Variants in LSAMP observed in about 807,000 individuals in gnomAD.
The protein encoded by LSAMP is limbic system associated membrane protein.
LSAMP carries 7 observed loss-of-function variants against 38.6 expected under a neutral mutation model. The observed-to-expected ratio is 0.18, with a 90% CI of 0.10 to 0.34. The LOEUF is 0.34. Ranked by LOEUF, LSAMP falls within the 10% of genes least tolerant of loss-of-function variation. The pLI, the probability that LSAMP is intolerant of heterozygous loss-of-function variation, is 1.00. For synonymous variants in LSAMP, 154 were observed against 166.8 expected (o/e 0.92, Z 0.59); for missense variants, 313 against 420.0 (o/e 0.75, Z 2.23).
At chr3:116,315,162 C>G (rs2047611800) in intron 1 of LSAMP, among the ~76,000 whole-genome samples, 1 of 152,174 alleles carries the variant, frequency 6.6e-6, no homozygotes, top group South Asian at 2.1e-4. Context: ...ATCCCCTCCA[C>G]CTGTATTGTT....
chr3:115,938,053 T>G (rs1559888426), intron 3 of LSAMP, among the ~76,000 whole-genome samples: 1 of 152,172 alleles, frequency 6.6e-6, no homozygotes, highest in African/African-American at 2.4e-5. Flanking sequence ...ACTCTTGTAT[T>G]GAATGTGGGC....
At chr3:116,064,479 C>T (rs1941648005) in intron 2 of LSAMP, among the ~76,000 whole-genome samples, 1 of 137,300 alleles carries the variant, frequency 7.3e-6, no homozygotes, top group Admixed American at 8.1e-5. Context: ...CGCACCACTG[C>T]ATTCCAGAGC....
chr3:115,970,465 T>C (rs912747910), intron 3 of LSAMP, among the ~76,000 whole-genome samples: 1 of 152,178 alleles, frequency 6.6e-6, no homozygotes, highest in Admixed American at 6.5e-5. Flanking sequence ...TTTGGCAGGA[T>C]AATATCTTCA....
chr3:116,018,284 G>T (rs773951030), intron 3 of LSAMP, among the ~76,000 whole-genome samples: 5 of 152,100 alleles, frequency 3.3e-5, no homozygotes, highest in Non-Finnish European at 5.9e-5. Context: ...TTTTACTTGA[G>T]AAATTAATTT....
Position 115,805,375 on chromosome 3 carries a change from T to C in LSAMP, c.*4942A>G, listed in dbSNP as rs1933607388. 1 of 152,224 alleles carries C rather than the reference T, an allele frequency of 6.6e-6. No homozygotes were observed. The highest frequency in any genetic ancestry group is 1.5e-5 in the Non-Finnish European group (1 of 68,032). The allele number at this position is 152,224 out of a possible 1,614,324, so 9.4% of individuals were successfully genotyped here. A position where few individuals can be genotyped will look rare whatever the true frequency, so the allele number is the denominator to read the frequency against. ...GAACTGTGAAACGTTTCAGTTTTTATTTATTTTTATTTGATTTTTTTTTCC... is the reference window on the plus strand; with the variant it reads ...GAACTGTGAAACGTTTCAGTTTTTACTTATTTTTATTTGATTTTTTTTTCC... On this transcript the variant is annotated 3_prime_UTR_variant, in exon 7 of 7. Coordinates refer to ENST00000490035, the MANE Select transcript of LSAMP (RefSeq NM_002338.5).
chr3:115,870,214 T>C (rs1054566209), intron 3 of LSAMP, among the ~76,000 whole-genome samples: 1 of 152,088 alleles, frequency 6.6e-6, no homozygotes, highest in African/African-American at 2.4e-5. Context: ...GCTTAACATA[T>C]TTACTACCTT....
At chr3:115,886,752 G>T (rs963581352) in intron 3 of LSAMP, among the ~76,000 whole-genome samples, 2 of 151,870 alleles carry the variant, frequency 1.3e-5, no homozygotes, top group African/African-American at 4.8e-5. Flanking sequence ...TTCACTTATG[G>T]CCCAAGATGA....
intron 1 of LSAMP, among the ~76,000 whole-genome samples, chr3:116,229,121 A>G (rs1206651933): frequency 2.0e-5 from 3 of 152,142 alleles, no homozygotes; most frequent in Admixed American, 6.5e-5. Context: ...AAGAAAAGAC[A>G]ACATAACTTA....
At chr3:116,243,242 T>C (rs2046562436) in intron 1 of LSAMP, among the ~76,000 whole-genome samples, 1 of 152,176 alleles carries the variant, frequency 6.6e-6, no homozygotes, top group African/African-American at 2.4e-5. Context: ...AGAAATATTC[T>C]AACTGTTCCC....
chr3:116,084,456 A>C (rs1292227087), intron 2 of LSAMP, among the ~76,000 whole-genome samples: 5 of 51,218 alleles, frequency 9.8e-5, no homozygotes, highest in African/African-American at 5.5e-4. Context: ...AAATCATGGC[A>C]AAAAAAAAAA....
chr3:115,947,106 A>C (rs1445176044), intron 3 of LSAMP, among the ~76,000 whole-genome samples: 5 of 152,302 alleles, frequency 3.3e-5, no homozygotes, highest in Middle Eastern at 3.4e-3. Flanking sequence ...ATTCTCATTA[A>C]TGACAGAAAT....
intron 3 of LSAMP, among the ~76,000 whole-genome samples, chr3:115,901,823 A>G (rs1013346133): frequency 6.6e-6 from 1 of 152,212 alleles, no homozygotes; most frequent in Admixed American, 6.5e-5. Context: ...TTTACAAGTA[A>G]AGAACATAGA....
intron 3 of LSAMP, among the ~76,000 whole-genome samples, chr3:115,940,937 C>CT (rs1937898188): frequency 6.6e-6 from 1 of 152,068 alleles, no homozygotes; most frequent in Admixed American, 6.6e-5. Flanking sequence ...AGTTCCATTT[C>CT]TTTTTCTCTA....
intron 1 of LSAMP, among the ~76,000 whole-genome samples, chr3:116,234,360 T>C (rs547270497): frequency 1.4e-4 from 22 of 152,232 alleles, no homozygotes; most frequent in African/African-American, 4.8e-4. Flanking sequence ...TGCTGCCTGA[T>C]TGATAAGAAG....
At chr3:116,415,912 A>C (rs1338106074) in intron 1 of LSAMP, among the ~76,000 whole-genome samples, 2 of 152,132 alleles carry the variant, frequency 1.3e-5, no homozygotes, top group Non-Finnish European at 2.9e-5. Flanking sequence ...GCTAGTGAAA[A>C]TGTACTCCAT....
intron 1 of LSAMP, among the ~76,000 whole-genome samples, chr3:116,435,816 A>C (rs1023525137): frequency 2.0e-5 from 3 of 152,144 alleles, no homozygotes; most frequent in African/African-American, 7.2e-5. Flanking sequence ...CATCCATCCT[A>C]ATCAGGGTCC....
chr3:115,943,239 C>T (rs1342709745), intron 3 of LSAMP, among the ~76,000 whole-genome samples: 1 of 152,104 alleles, frequency 6.6e-6, no homozygotes, highest in East Asian at 1.9e-4. Flanking sequence ...CTGGGGAGGT[C>T]TTCTGGGCTG....
At chr3:116,122,484 T>C (rs1708906303) in intron 1 of LSAMP, among the ~76,000 whole-genome samples, 1 of 152,198 alleles carries the variant, frequency 6.6e-6, no homozygotes, top group Admixed American at 6.5e-5. Flanking sequence ...CCCATCACTC[T>C]ATCTTCCTGT....
intron 1 of LSAMP, among the ~76,000 whole-genome samples, chr3:116,279,618 C>T (rs1396966024): frequency 6.6e-6 from 1 of 152,008 alleles, no homozygotes; most frequent in African/African-American, 2.4e-5. Context: ...AAACAATATT[C>T]TTGGTTATTA....
Sources: gnomAD v4.1 joint callset for allele counts (sites outside exome capture counted in the v4.1 genomes callset) on GRCh38, gnomAD v4.1.1 for gene constraint, MANE v1.5 for transcripts, NCBI Gene and HGNC (gene_info 2026-07-23, HGNC 2026-07-21) for gene names.